The following PARD3B variants were observed in gnomAD, a reference collection of about 807,000 sequenced individuals.
PARD3B encodes par-3 family cell polarity regulator beta.
PARD3B carries 103 observed loss-of-function variants against 130.2 expected under a neutral mutation model. That is an observed-to-expected ratio of 0.79 (90% CI 0.67 to 0.93). PARD3B has a LOEUF of 0.93. Among genes scored for constraint, PARD3B ranks in the 40% least tolerant of loss-of-function variants. The pLI, the probability that PARD3B is intolerant of heterozygous loss-of-function variation, is 0.00. For synonymous variants in PARD3B, 583 were observed against 553.2 expected (o/e 1.05, Z -0.76); for missense variants, 1,609 against 1,499.2 (o/e 1.07, Z -1.21).
intron 1 of PARD3B, among the ~76,000 whole-genome samples, chr2:204,683,506 C>T (rs572756408): frequency 6.6e-6 from 1 of 152,260 alleles, no homozygotes; most frequent in South Asian, 2.1e-4. Context: ...TATGGTCTTA[C>T]GATGGCTGTA....
At chr2:205,076,078 T>C (rs1167980907) in intron 4 of PARD3B, among the ~76,000 whole-genome samples, 1 of 152,216 alleles carries the variant, frequency 6.6e-6, no homozygotes, top group Non-Finnish European at 1.5e-5. Flanking sequence ...CTTTAAACTT[T>C]CAGTTTTACC....
intron 14 of PARD3B, among the ~76,000 whole-genome samples, chr2:205,191,907 G>A (rs534712374): frequency 8.1e-4 from 123 of 152,204 alleles, no homozygotes; most frequent in Middle Eastern, 6.8e-3. Context: ...AAGCTGGAGG[G>A]AAGAGGTGCA....
chr2:205,494,512 TATA>T (rs1367292874), intron 20 of PARD3B, among the ~76,000 whole-genome samples: 1 of 152,224 alleles, frequency 6.6e-6, no homozygotes, highest in Non-Finnish European at 1.5e-5. Context: ...CTGTTAGAGA[TATA>T]ATATTAATTG....
At position 204,696,232 on chromosome 2, in the gene PARD3B, G is replaced by T. The variant is rs577636070; in HGVS notation, c.222+9950G>T. Among the ~76,000 whole-genome samples, 218 of 151,956 alleles carry T rather than the reference G, an allele frequency of 1.4e-3. 1 individual carries two copies. The highest frequency in any genetic ancestry group is 4.9e-4 in the Non-Finnish European group (33 of 67,942). ...TTGTGAGAAAAACAGCTGACCTTCCGTTAAATCATGACCTGAGGTCTCATG... is the reference window on the plus strand; with the variant it reads ...TTGTGAGAAAAACAGCTGACCTTCCTTTAAATCATGACCTGAGGTCTCATG... On this transcript the variant is annotated intron_variant, in intron 2 of 22. Coordinates refer to ENST00000406610, the MANE Select transcript of PARD3B (RefSeq NM_001302769.2).
chr2:204,797,589 ATTGT>A (rs770761183), intron 2 of PARD3B, among the ~76,000 whole-genome samples: 12 of 152,228 alleles, frequency 7.9e-5, no homozygotes, highest in Admixed American at 1.3e-4. Context: ...TGCATTAAAA[ATTGT>A]TTGGGCAATG....
chr2:205,075,979 T>C (rs533273058), intron 4 of PARD3B, among the ~76,000 whole-genome samples: 1 of 152,282 alleles, frequency 6.6e-6, no homozygotes, highest in East Asian at 1.9e-4. Context: ...ATATTTTATA[T>C]GATAAATTAC....
chr2:204,663,760 C>T (rs772701470), intron 1 of PARD3B, among the ~76,000 whole-genome samples: 2 of 152,150 alleles, frequency 1.3e-5, no homozygotes, highest in African/African-American at 2.4e-5. Context: ...AGCTACCATA[C>T]TGTGTGGACA....
rs59271830 is a variant in PARD3B, at chr2:205,363,832, CTTTTTTTTTTT to C, written c.2631-37161_2631-37151del. 4.4e-3 allele frequency among the ~76,000 whole-genome samples: 432 copies of C among 97,140 alleles called. 18 individuals carry two copies. In the East Asian group the frequency reaches 0.077, roughly 17 times the overall value. The allele number at this position is 97,140 out of a possible 152,430, so 63.7% of individuals were successfully genotyped here. ...GGCATGCGCCACAACGCCTGACTGA[CTTTTTTTTTTT>C]TTTTTTTTTTTTTTTTTTTCGCCAT... On this transcript the variant is annotated intron_variant, in intron 18 of 22. Coordinates refer to ENST00000406610, the MANE Select transcript of PARD3B (RefSeq NM_001302769.2).
At chr2:204,550,978 A>G (rs1026559430) in intron 1 of PARD3B, among the ~76,000 whole-genome samples, 10 of 152,148 alleles carry the variant, frequency 6.6e-5, no homozygotes, top group African/African-American at 1.9e-4. Flanking sequence ...TTTTCAATTG[A>G]TTGGGCACTG....
At chr2:205,278,402 G>A (rs1036117012) in intron 16 of PARD3B, among the ~76,000 whole-genome samples, 4 of 151,540 alleles carry the variant, frequency 2.6e-5, no homozygotes, top group Non-Finnish European at 5.9e-5. Context: ...TGATAGGCTT[G>A]GGGGGGAGAG....
chr2:205,150,253 GCA>G (rs1491534654), intron 10 of PARD3B, among the ~76,000 whole-genome samples: 21,930 of 93,238 alleles, frequency 0.24, 1,858 homozygotes, highest in Middle Eastern at 0.44. Context: ...GTGTGTGTGT[GCA>G]CACACGCTTG....
intron 16 of PARD3B, among the ~76,000 whole-genome samples, chr2:205,271,438 C>A (rs2040720290): frequency 6.6e-6 from 1 of 152,186 alleles, no homozygotes; most frequent in Non-Finnish European, 1.5e-5. Flanking sequence ...GATTGCTCAA[C>A]TTTTAATTAT....
intron 3 of PARD3B, among the ~76,000 whole-genome samples, chr2:205,012,977 A>T (rs1465164151): frequency 6.6e-6 from 1 of 152,230 alleles, no homozygotes; most frequent in African/African-American, 2.4e-5. Context: ...TAGCATAAGC[A>T]GAAGAATAAG....
intron 2 of PARD3B, among the ~76,000 whole-genome samples, chr2:204,831,815 AT>A (rs199529202): frequency 5.3e-5 from 8 of 151,558 alleles, no homozygotes; most frequent in East Asian, 3.9e-4. Context: ...AAGCTTCCAG[AT>A]TTTTTTTTAT....
At chr2:204,782,647 AT>A (rs2041879829) in intron 2 of PARD3B, among the ~76,000 whole-genome samples, 1 of 151,710 alleles carries the variant, frequency 6.6e-6, no homozygotes, top group South Asian at 2.1e-4. Flanking sequence ...CCATCCATCC[AT>A]TTGTAGGACA....
chr2:205,115,759 T>C (rs1343337670), intron 6 of PARD3B, among the ~76,000 whole-genome samples: 1 of 152,178 alleles, frequency 6.6e-6, no homozygotes, highest in East Asian at 1.9e-4. Context: ...GTGTCTGACT[T>C]CATAATGCCA....
intron 2 of PARD3B, among the ~76,000 whole-genome samples, chr2:204,858,783 A>G (rs1209277699): frequency 1.3e-5 from 2 of 148,326 alleles, no homozygotes; most frequent in African/African-American, 2.4e-5. Context: ...TACATATATA[A>G]TATATAAAAA....
At chr2:205,063,536 A>T (rs1047244847) in intron 4 of PARD3B, among the ~76,000 whole-genome samples, 1 of 152,088 alleles carries the variant, frequency 6.6e-6, no homozygotes, top group Non-Finnish European at 1.5e-5. Flanking sequence ...TATCCGTGTA[A>T]CTCAGCAGTT....
intron 18 of PARD3B, among the ~76,000 whole-genome samples, chr2:205,392,345 G>C (rs1339322780): frequency 6.6e-6 from 1 of 152,070 alleles, no homozygotes; most frequent in Non-Finnish European, 1.5e-5. Context: ...CCAATTTCAG[G>C]GCCACATTCT....
Sources: gnomAD v4.1 joint callset for allele counts (sites outside exome capture counted in the v4.1 genomes callset) on GRCh38, gnomAD v4.1.1 for gene constraint, MANE v1.5 for transcripts, NCBI Gene and HGNC (gene_info 2026-07-23, HGNC 2026-07-21) for gene names.